Variants in ITCH observed in about 807,000 individuals in gnomAD.
ITCH encodes itchy E3 ubiquitin protein ligase.
In ITCH, 28 loss-of-function variants were observed where a neutral mutation model predicts 126.8. The observed-to-expected ratio is 0.22, with a 90% CI of 0.16 to 0.30. ITCH has a LOEUF of 0.30. ITCH is among the 10% of genes least tolerant of loss of function. The probability of loss-of-function intolerance (pLI) is 1.00; values close to 1 mark genes in which losing one functional copy is unlikely to be tolerated. For synonymous variants in ITCH, 342 were observed against 340.0 expected (o/e 1.01, Z -0.06); for missense variants, 631 against 1,032.4 (o/e 0.61, Z 5.33).
At chr20:34,443,206 TTTAACA>T (rs1472047787) in intron 10 of ITCH, among the ~76,000 whole-genome samples, 1 of 151,918 alleles carries the variant, frequency 6.6e-6, no homozygotes. Context: ...GTGTTAAGCC[TTTAACA>T]TTAACATTAA....
chr20:34,443,355 C>CA (rs1984017804), intron 10 of ITCH, among the ~76,000 whole-genome samples: 1 of 151,508 alleles, frequency 6.6e-6, no homozygotes, highest in African/African-American at 2.4e-5. Flanking sequence ...ACTAAAAATA[C>CA]AAAAATTAGC....
At chr20:34,499,116 A>G (rs1300328373) in intron 23 of ITCH, among the ~76,000 whole-genome samples, 1 of 151,394 alleles carries the variant, frequency 6.6e-6, no homozygotes, top group Admixed American at 6.6e-5. Context: ...CTGGGACTAC[A>G]GGCGCCTGCC....
At chr20:34,399,881 T>C (rs62212171) in intron 3 of ITCH, among the ~76,000 whole-genome samples, 11,202 of 152,018 alleles carry the variant, frequency 0.074, 631 homozygotes, top group Non-Finnish European at 0.12. Flanking sequence ...TCATCCTCTA[T>C]AGTGGCTGGG....
chr20:34,415,714 A>G (rs1216471431), intron 6 of ITCH, among the ~76,000 whole-genome samples: 1 of 152,236 alleles, frequency 6.6e-6, no homozygotes, highest in Non-Finnish European at 1.5e-5. Flanking sequence ...TTTTCTATAC[A>G]TAAATTGGAA....
chr20:34,388,632 G>A (rs1453279294), intron 2 of ITCH, among the ~76,000 whole-genome samples: 2 of 152,130 alleles, frequency 1.3e-5, no homozygotes, highest in African/African-American at 4.8e-5. Context: ...ATGATACTCA[G>A]GGCAAAGTTT....
intron 11 of ITCH, among the ~76,000 whole-genome samples, chr20:34,446,761 T>G (rs1416630062): frequency 6.6e-6 from 1 of 152,210 alleles, no homozygotes. Flanking sequence ...AGTTTCCACA[T>G]GGGTGTTCAG....
chr20:34,390,443 CTT>C (rs546555130), intron 2 of ITCH, among the ~76,000 whole-genome samples: 29 of 90,776 alleles, frequency 3.2e-4, no homozygotes, highest in African/African-American at 7.8e-4. Context: ...CAAGAATAAT[CTT>C]TTTTTTTTTT....
At chr20:34,448,160 C>T (rs1390178913) in intron 11 of ITCH, among the ~76,000 whole-genome samples, 2 of 152,036 alleles carry the variant, frequency 1.3e-5, no homozygotes, top group East Asian at 1.9e-4. Flanking sequence ...GAGGCCGAGG[C>T]GGGTGGATCA....
In ITCH at chr20:34,489,947, C is replaced by T. The variant is rs187160210; in HGVS notation, c.2319+21C>T. 1.8e-4 allele frequency: 277 copies of T among 1,563,468 alleles called. 1 individual carries two copies. The Middle Eastern group carries it at 2.0e-3, about 11-fold the overall frequency. The stretch of plus-strand genomic sequence containing the variant: ...GGCAGGTTTGTTTTTAAATTTATTT[C>T]TATTAGTTGACACAGCATAATTTTT... On this transcript the variant is annotated intron_variant, in intron 22 of 24. Transcript: ENST00000374864.
chr20:34,469,350 G>A (rs1490843460), intron 14 of ITCH, among the ~76,000 whole-genome samples: 2 of 151,852 alleles, frequency 1.3e-5, no homozygotes, highest in Non-Finnish European at 1.5e-5. Context: ...GTGCAGTGGT[G>A]CAATCTCAGC....
At chr20:34,393,118 A>G (rs1476836225) in intron 2 of ITCH, among the ~76,000 whole-genome samples, 5 of 152,146 alleles carry the variant, frequency 3.3e-5, no homozygotes, top group Non-Finnish European at 7.4e-5. Context: ...TCTCCAATTT[A>G]TCTGCCTGCG....
At chr20:34,366,064 G>GT (rs1341849384) in intron 1 of ITCH, among the ~76,000 whole-genome samples, 1 of 152,130 alleles carries the variant, frequency 6.6e-6, no homozygotes, top group Non-Finnish European at 1.5e-5. Context: ...TACATGAAGA[G>GT]TAGGAGTGTG....
At chr20:34,380,630 A>G (rs1210831723) in intron 2 of ITCH, among the ~76,000 whole-genome samples, 3 of 124,142 alleles carry the variant, frequency 2.4e-5, no homozygotes, top group Admixed American at 8.7e-5. Flanking sequence ...TTTTTTTTGC[A>G]AAAATAGAGA....
At chr20:34,464,279 T>C (rs1290489207) in intron 14 of ITCH, among the ~76,000 whole-genome samples, 1 of 150,418 alleles carries the variant, frequency 6.6e-6, no homozygotes, top group Non-Finnish European at 1.5e-5. Context: ...TGAGCCACCG[T>C]GCCCGGCCTG....
chr20:34,396,092 G>C (rs1213550268), intron 3 of ITCH, among the ~76,000 whole-genome samples: 1 of 150,618 alleles, frequency 6.6e-6, no homozygotes, highest in Non-Finnish European at 1.5e-5. Flanking sequence ...GGAGTGCAGT[G>C]GTGTGATCTC....
chr20:34,384,811 C>T (rs550568047), intron 2 of ITCH, among the ~76,000 whole-genome samples: 39 of 151,214 alleles, frequency 2.6e-4, no homozygotes, highest in African/African-American at 9.5e-4. Context: ...CAGGCGCCCG[C>T]CACCACACCT....
chr20:34,448,554 TATGTGGGA>T (rs779911481), intron 11 of ITCH, among the ~76,000 whole-genome samples: 10 of 152,016 alleles, frequency 6.6e-5, no homozygotes, highest in Non-Finnish European at 8.8e-5. Flanking sequence ...TGGTGCTGGG[TATGTGGGA>T]ATGTGGGATT....
At chr20:34,406,114 C>A (rs977938218) in intron 3 of ITCH, among the ~76,000 whole-genome samples, 1 of 151,958 alleles carries the variant, frequency 6.6e-6, no homozygotes, top group Non-Finnish European at 1.5e-5. Flanking sequence ...CTTGACCTCC[C>A]AGGCTTAAGC....
intron 2 of ITCH, among the ~76,000 whole-genome samples, chr20:34,372,555 T>G (rs2037680511): frequency 6.6e-6 from 1 of 151,302 alleles, no homozygotes. Flanking sequence ...TAATTTTTTG[T>G]ATTTTTAGTA....
Sources: allele counts gnomAD v4.1 joint callset (sites outside exome capture counted in the v4.1 genomes callset), GRCh38; gene constraint gnomAD v4.1.1; transcripts MANE v1.5; gene names NCBI Gene and HGNC (gene_info 2026-07-23, HGNC 2026-07-21).